Variants in GAN observed in about 807,000 individuals in gnomAD.
The protein encoded by GAN is gigaxonin, also known as epididymis secretory sperm binding protein.
In GAN, 48 loss-of-function variants were observed where a neutral mutation model predicts 71.3. The observed-to-expected ratio is 0.67, with a 90% CI of 0.53 to 0.86. The LOEUF is 0.86. GAN is among the 40% of genes least tolerant of loss of function. The pLI, the probability that GAN is intolerant of heterozygous loss-of-function variation, is 0.00. For missense variants in GAN, 928 were observed against 770.1 expected, an observed-to-expected ratio of 1.21 and a Z score of -2.43; for synonymous variants, 386 against 276.8, an observed-to-expected ratio of 1.39 and a Z score of -3.92.
rs1008691076 is a variant in GAN, at chr16:81,379,314, A to G, written c.*1718A>G. On this transcript the variant is annotated 3_prime_UTR_variant, in exon 11 of 11. Coordinates refer to ENST00000648994, the MANE Select transcript of GAN (RefSeq NM_022041.4). The stretch of plus-strand genomic sequence containing the variant: ...AAAGTTGCTGAAAGATGCTGTGCCT[A>G]TGGGGTTCTAGAGAGTGTTGAGTGT... The G allele has an allele frequency of 1.2e-4, 18 of 152,142 alleles. No individual in the cohort carries two copies. Among genetic ancestry groups the G allele is most frequent in the African/African-American group, 3.4e-4 (14 of 41,434 alleles). The allele number at this position is 152,142 out of a possible 1,614,324, so 9.4% of individuals were successfully genotyped here.
intron 9 of GAN, among the ~76,000 whole-genome samples, chr16:81,368,539 G>A (rs1023533977): frequency 6.6e-6 from 1 of 152,184 alleles, no homozygotes; most frequent in African/African-American, 2.4e-5. Flanking sequence ...CCTGGGAAGT[G>A]GTGGAAGCTG....
In GAN at chr16:81,321,923, A is replaced by G. The variant is rs551182509; in HGVS notation, c.167+6643A>G. 2.6e-5 allele frequency among the ~76,000 whole-genome samples: 4 copies of G among 152,328 alleles called. No individual in the cohort carries two copies. In the South Asian group the frequency reaches 8.3e-4, roughly 32 times the overall value. On this transcript the variant is annotated intron_variant, in intron 1 of 10. Coordinates refer to ENST00000648994, the MANE Select transcript of GAN (RefSeq NM_022041.4). Reference sequence around the variant, plus strand: ...ACAACAAATCCAAAGAAGGAAGGAAATCAAAGGCTCAGGTAAAGGTGGCAG... The same window carrying G: ...ACAACAAATCCAAAGAAGGAAGGAAGTCAAAGGCTCAGGTAAAGGTGGCAG...
intron 1 of GAN, among the ~76,000 whole-genome samples, chr16:81,315,663 G>A (rs954249467): frequency 5.9e-5 from 9 of 152,178 alleles, no homozygotes; most frequent in African/African-American, 2.2e-4. Context: ...GGCTGGGCGA[G>A]GCCGCGCCGG....
At chr16:81,364,275 T>C (rs1322509942) in intron 7 of GAN, among the ~76,000 whole-genome samples, 4 of 152,154 alleles carry the variant, frequency 2.6e-5, no homozygotes, top group African/African-American at 9.7e-5. Flanking sequence ...TCTCTCTCTT[T>C]CCTTTTGTTG....
At chr16:81,360,016 T>C (rs1910619358) in intron 5 of GAN, among the ~76,000 whole-genome samples, 2 of 73,116 alleles carry the variant, frequency 2.7e-5, no homozygotes, top group Admixed American at 1.5e-4. Flanking sequence ...TGATATATGT[T>C]GGATGGATGG....
At chr16:81,335,646 C>T (rs960504483) in intron 1 of GAN, among the ~76,000 whole-genome samples, 40 of 150,108 alleles carry the variant, frequency 2.7e-4, no homozygotes, top group African/African-American at 9.1e-4. Context: ...ACTCAGGAGG[C>T]TGAGGCAGGA....
chr16:81,363,694 G>T (rs1277884074), intron 6 of GAN, 100 bp from the exon 7 acceptor site: 3 of 1,224,958 alleles, frequency 2.4e-6, no homozygotes, highest in Non-Finnish European at 3.6e-6. Context: ...GTCTATTTTT[G>T]CCATCTTTAT....
intron 1 of GAN, among the ~76,000 whole-genome samples, chr16:81,342,978 C>G (rs776388931): frequency 4.6e-5 from 7 of 152,122 alleles, no homozygotes; most frequent in Non-Finnish European, 8.8e-5. Context: ...TACAAACTAC[C>G]TTCAGAGAAT....
chr16:81,346,906 G>A (rs558494578), intron 1 of GAN, among the ~76,000 whole-genome samples: 2 of 152,252 alleles, frequency 1.3e-5, no homozygotes, highest in African/African-American at 2.4e-5. Flanking sequence ...TTAACATCGT[G>A]CTATTTGACA....
rs1904315610 is a variant in GAN at position 81,383,202 on chromosome 16, C to T, written c.*5606C>T. On this transcript the variant is annotated 3_prime_UTR_variant, in exon 11 of 11. Coordinates refer to ENST00000648994, the MANE Select transcript of GAN (RefSeq NM_022041.4). ...ATTAAACATCAAATAAATAAAACTA[C>T]ATTATATAATTATTTAGTCAGAAAT... 1 of 143,490 alleles carries T rather than the reference C, an allele frequency of 7.0e-6. No homozygotes were observed. The allele number at this position is 143,490 out of a possible 1,614,324, so 8.9% of individuals were successfully genotyped here.
chr16:81,360,902 G>A (rs756315762), intron 5 of GAN, among the ~76,000 whole-genome samples: 10 of 152,114 alleles, frequency 6.6e-5, no homozygotes, highest in Non-Finnish European at 1.5e-4. Flanking sequence ...TCTGATATCT[G>A]TGGCTGCATG....
intron 6 of GAN, among the ~76,000 whole-genome samples, 165 bp downstream of exon 6, chr16:81,362,776 C>T (rs904472571): frequency 6.6e-6 from 1 of 152,170 alleles, no homozygotes; most frequent in Non-Finnish European, 1.5e-5. Context: ...CCCTTCCTGG[C>T]CCTCACTCCT....
chr16:81,366,857 C>T (rs1910873011), intron 9 of GAN, among the ~76,000 whole-genome samples: 1 of 152,042 alleles, frequency 6.6e-6, no homozygotes, highest in Non-Finnish European at 1.5e-5. Flanking sequence ...GACAGTCTCG[C>T]TCTGTCGCCC....
rs1333922250 is a variant in GAN at position 81,335,365 on chromosome 16, C to T, written c.168-16218C>T. Among the ~76,000 whole-genome samples, 3 of 152,090 alleles carry T rather than the reference C, an allele frequency of 2.0e-5. No homozygotes were observed. The South Asian group carries it at 6.2e-4, about 32-fold the overall frequency. The stretch of plus-strand genomic sequence containing the variant: ...ACACAGTGGCTCACACCTGTAATCC[C>T]AGCACTTTTTGGAGGCCGAGGCGGG... On this transcript the variant is annotated intron_variant, in intron 1 of 10. Coordinates refer to ENST00000648994, the MANE Select transcript of GAN (RefSeq NM_022041.4).
rs1382256201 is a variant in GAN, at chr16:81,381,936, C to G, written c.*4340C>G. 2.6e-5 allele frequency: 4 copies of G among 152,116 alleles called. No individual in the cohort carries two copies. Among genetic ancestry groups the G allele is most frequent in the South Asian group, 4.2e-4 (2 of 4,818 alleles). 9.4% of individuals were successfully genotyped at this position (152,116 alleles called of 1,614,324 possible). On this transcript the variant is annotated 3_prime_UTR_variant, in exon 11 of 11. Transcript: ENST00000648994. ...GAAACTAGTATAGCATAAACAATGC[C>G]AAGTGCCTGATGTACATGATGTACA...
At chr16:81,344,713 C>T (rs868462811) in intron 1 of GAN, among the ~76,000 whole-genome samples, 4 of 151,910 alleles carry the variant, frequency 2.6e-5, no homozygotes, top group African/African-American at 9.7e-5. Flanking sequence ...AAGACCATGT[C>T]TAAAACACCA....
intron 9 of GAN, among the ~76,000 whole-genome samples, chr16:81,370,018 C>G (rs1449611989): frequency 6.6e-6 from 1 of 152,182 alleles, no homozygotes. Context: ...GTATGGCAGC[C>G]GTTGACATAG....
intron 5 of GAN, among the ~76,000 whole-genome samples, chr16:81,359,990 A>G (rs1274456959): frequency 6.6e-6 from 1 of 151,830 alleles, no homozygotes; most frequent in African/African-American, 2.4e-5. Flanking sequence ...TACTATATAC[A>G]CAATATGTCT....
rs1261698830 is a variant in GAN at position 81,315,132 on chromosome 16, G to T, written c.19G>T (p.Val7Leu). 2 of 1,524,118 alleles carry T rather than the reference G, an allele frequency of 1.3e-6. No homozygotes were observed. The highest frequency in any genetic ancestry group is 1.8e-6 in the Non-Finnish European group (2 of 1,136,498). 94.4% of individuals were successfully genotyped at this position (1,524,118 alleles called of 1,614,324 possible). A position where few individuals can be genotyped will look rare whatever the true frequency, so the allele number is the denominator to read the frequency against. Residue 7 changes from valine (V) to leucine (L), a missense_variant, in exon 1 of 11, where the codon GTG becomes TTG. By Grantham distance (32) the Val-to-Leu change is conservative. Transcript: ENST00000648994. MAEGSA[V>L]SDPQHAARLL... ...CGCCGCGATGGCTGAGGGCAGTGCC[G>T]TGTCTGACCCTCAGCACGCCGCGCG...
Sources: allele counts gnomAD v4.1 joint callset (sites outside exome capture counted in the v4.1 genomes callset), GRCh38; gene constraint gnomAD v4.1.1; transcripts MANE v1.5; gene names NCBI Gene and HGNC (gene_info 2026-07-23, HGNC 2026-07-21).